The following GRSF1 variants were observed in gnomAD, a reference collection of about 807,000 sequenced individuals.
GRSF1 encodes G-rich RNA sequence binding factor 1.
A neutral mutation model predicts 51.1 loss-of-function variants in GRSF1; 50 were observed. That is an observed-to-expected ratio of 0.98 (90% CI 0.78 to 1.24). The LOEUF is 1.24. GRSF1 is among the 50% of genes most tolerant of loss of function. GRSF1 has a pLI of 0.00. For missense variants in GRSF1, 700 were observed against 639.7 expected (o/e 1.09, Z -1.02); for synonymous variants, 293 against 253.3 (o/e 1.16, Z -1.49).
chr4:70,838,338 A>G (rs2148848397), intron 1 of GRSF1, among the ~76,000 whole-genome samples: 1 of 151,988 alleles, frequency 6.6e-6, no homozygotes, highest in East Asian at 1.9e-4. Context: ...AAAAAAAAAG[A>G]GAGAAGCTAG....
chr4:70,840,740 GC>G (rs1734432913), upstream of GRSF1, among the ~76,000 whole-genome samples: 1 of 152,158 alleles, frequency 6.6e-6, no homozygotes, highest in African/African-American at 2.4e-5. Flanking sequence ...TGCAGCCTGG[GC>G]GACAGAGTGA....
chr4:70,824,063 C>T (rs777174816), intron 9 of GRSF1, among the ~76,000 whole-genome samples: 25 of 150,088 alleles, frequency 1.7e-4, no homozygotes, highest in Admixed American at 7.3e-4. Flanking sequence ...CGCTGCCTCC[C>T]GGGTTCAAGT....
At chr4:70,839,207 A>G in intron 1 of GRSF1, 1 of 1,420,538 alleles carries the variant, frequency 7.0e-7, no homozygotes, top group South Asian at 1.2e-5. Context: ...AGGCCTCAAC[A>G]TTCACCCCAG....
chr4:70,832,839 T>C (rs564944715), intron 3 of GRSF1, among the ~76,000 whole-genome samples: 1 of 152,156 alleles, frequency 6.6e-6, no homozygotes, highest in South Asian at 2.1e-4. Context: ...TCCCAGCTAC[T>C]TGGGAGGCTG....
At chr4:70,825,260 T>C (rs763994545) in intron 8 of GRSF1, 36 bp downstream of exon 8, 3 of 1,537,950 alleles carry the variant, frequency 2.0e-6, no homozygotes, top group Non-Finnish European at 2.7e-6. Flanking sequence ...AAGACAAGCA[T>C]CAAAAATGAC....
At position 70,839,820 on chromosome 4, in the gene GRSF1, C is replaced by A. The variant is rs1734392461; in HGVS notation, c.8G>T (p.Gly3Val). Residue 3 changes from glycine (G) to valine (V), a missense_variant, in exon 1 of 10, where the codon GGC becomes GTC. Gly to Val is a moderately radical substitution (Grantham distance 109). Coordinates refer to ENST00000254799, the MANE Select transcript of GRSF1 (RefSeq NM_002092.4). Reference sequence around the variant, plus strand: ...CAGCGCCCCGAGTACCCAGCGCGTGCCGGCCATGGACTCCGGAGGCGGCGC... The same window carrying A: ...CAGCGCCCCGAGTACCCAGCGCGTGACGGCCATGGACTCCGGAGGCGGCGC... Reference protein sequence around the residue: MAGTRWVLGALLR... With the variant: MAVTRWVLGALLR... 6.7e-7 allele frequency: 1 copy of A among 1,497,344 alleles called. No individual in the cohort carries two copies. Among genetic ancestry groups the A allele is most frequent in the East Asian group, 2.8e-5 (1 of 35,490 alleles). The allele number at this position is 1,497,344 out of a possible 1,614,324, so 92.8% of individuals were successfully genotyped here.
At position 70,825,431 on chromosome 4, in the gene GRSF1, A is replaced by G; in HGVS notation, c.1258T>C (p.Phe420Leu). The G allele has an allele frequency of 1.9e-6, 3 of 1,606,186 alleles. No homozygotes were observed. The highest frequency in any genetic ancestry group is 2.6e-6 in the Non-Finnish European group (3 of 1,175,034). The change falls in exon 8 of 10, where the codon TTT becomes CTT. Residue 420 changes from phenylalanine to leucine, a missense_variant and splice_region_variant. Phe to Leu is a conservative substitution (Grantham distance 22). Coordinates refer to ENST00000254799, the MANE Select transcript of GRSF1 (RefSeq NM_002092.4). The part of the protein sequence containing the change: ...FQANAQDIIN[F>L]FAPLKPVRIT... ...CTAACAGGCTTGAGTGGAGCAAAAA[A>G]CTAAACGACAAACAAAGGCAGTCAA...
chr4:70,831,911 T>A (rs1578303657), intron 4 of GRSF1, among the ~76,000 whole-genome samples: 1 of 202 alleles, frequency 5.0e-3, no homozygotes, highest in African/African-American at 8.9e-3. Flanking sequence ...TCCCCACCAG[T>A]TTTTTTTTTT....
rs774311400 is a variant in GRSF1 at position 70,817,032 on chromosome 4, C to T, written c.*3855G>A. On this transcript the variant is annotated 3_prime_UTR_variant, in exon 10 of 10. Transcript: ENST00000254799. ...AAAGAAATGACAACACCCACTAACA[C>T]TTGCTTATAAATAAAGTAAAAGTCA... 7 of 152,144 alleles carry T rather than the reference C, an allele frequency of 4.6e-5. No homozygotes were observed. Among genetic ancestry groups the T allele is most frequent in the Non-Finnish European group, 1.0e-4 (7 of 68,030 alleles). The allele number at this position is 152,144 out of a possible 1,614,324, so 9.4% of individuals were successfully genotyped here. A position where few individuals can be genotyped will look rare whatever the true frequency, so the allele number is the denominator to read the frequency against.
At chr4:70,826,591 A>G (rs541217984) in intron 6 of GRSF1, among the ~76,000 whole-genome samples, 98 of 152,020 alleles carry the variant, frequency 6.4e-4, no homozygotes, top group Non-Finnish European at 9.7e-4. Context: ...TGTAATCCCA[A>G]CACTTTGGAA....
In GRSF1 at chr4:70,831,622, T is replaced by G; in HGVS notation, c.867A>C (p.Lys289Asn). The change falls in exon 5 of 10, where the codon AAA becomes AAC. Residue 289 changes from lysine (K) to asparagine (N), a missense_variant. Coordinates refer to ENST00000254799, the MANE Select transcript of GRSF1 (RefSeq NM_002092.4). ...TFVMDYRGRR[K>N]TGEAYVQFEE... ...CAAATTGCACATAGGCTTCCCCTGT[T>G]TTTCGCCTCCCTCTATAGTCCATCA... 1 of 1,613,666 alleles carries G rather than the reference T, an allele frequency of 6.2e-7. No individual in the cohort carries two copies. Among genetic ancestry groups the G allele is most frequent in the Non-Finnish European group, 8.5e-7 (1 of 1,179,622 alleles).
At chr4:70,839,375 C>A in intron 1 of GRSF1, 96 bp downstream of exon 1, 1 of 1,507,082 alleles carries the variant, frequency 6.6e-7, no homozygotes, top group Non-Finnish European at 8.9e-7. Flanking sequence ...CCCGGGCGTG[C>A]CCGCGAGGCG....
intron 2 of GRSF1, among the ~76,000 whole-genome samples, chr4:70,835,266 A>G (rs1734152942): frequency 6.6e-6 from 1 of 150,814 alleles, no homozygotes; most frequent in South Asian, 2.1e-4. Context: ...ACACGGTGAA[A>G]CCCCAGCTCT....
At position 70,831,565 on chromosome 4, in the gene GRSF1, C is replaced by T; in HGVS notation, c.924G>A (p.Leu308=). The T allele has an allele frequency of 6.2e-7, 1 of 1,613,512 alleles. No individual in the cohort carries two copies. Among genetic ancestry groups the T allele is most frequent in the Non-Finnish European group, 8.5e-7 (1 of 1,179,596 alleles). ...GATTACCAATTTCTTCCCTGTGTTT[C>T]AACAGGGCTTGGTTGGCCATTTCTG... is the stretch of plus-strand genomic sequence containing the variant. ...EEPEMANQAL[L]KHREEIGNRY... is the part of the protein sequence containing the mutation. Residue 308 remains leucine (L), a synonymous_variant, in exon 5 of 10, where the codon TTG becomes TTA. Transcript: ENST00000254799.
rs1228861277 is a variant in GRSF1, at chr4:70,839,836, G to C, written c.-9C>G. On this transcript the variant is annotated 5_prime_UTR_variant, in exon 1 of 10. Transcript: ENST00000254799. ...CAGCGCGTGCCGGCCATGGACTCCGGAGGCGGCGCAGGGCCTGAAGGCAGC... is the reference window on the plus strand; with the variant it reads ...CAGCGCGTGCCGGCCATGGACTCCGCAGGCGGCGCAGGGCCTGAAGGCAGC... The C allele has an allele frequency of 1.3e-6, 2 of 1,488,600 alleles. No homozygotes were observed. The highest frequency in any genetic ancestry group is 1.8e-6 in the Non-Finnish European group (2 of 1,127,382). 92.2% of individuals were successfully genotyped at this position (1,488,600 alleles called of 1,614,324 possible). A position where few individuals can be genotyped will look rare whatever the true frequency, so the allele number is the denominator to read the frequency against.
chr4:70,821,272 A>G (rs931949182), intron 9 of GRSF1, among the ~76,000 whole-genome samples: 2 of 152,152 alleles, frequency 1.3e-5, no homozygotes, highest in Non-Finnish European at 2.9e-5. Flanking sequence ...ACAAAAATAA[A>G]AAATTAGCCG....
At chr4:70,839,132 C>T in intron 1 of GRSF1, 2 of 1,309,398 alleles carry the variant, frequency 1.5e-6, no homozygotes, top group Non-Finnish European at 2.0e-6. Context: ...CGGCGGAAAG[C>T]AAGAAGATGC....
At chr4:70,840,013 TTGGGCGGGGCTGCCCA>T (rs1560605848), upstream of GRSF1, 161 of 533,580 alleles carry the variant, frequency 3.0e-4, no homozygotes, top group African/African-American at 2.3e-3. Flanking sequence ...GTCTCCGCCC[TTGGGCGGGGCTGCCCA>T]TGGTTTGGGC....
intron 1 of GRSF1, 114 bp downstream of exon 1, chr4:70,839,357 C>A (rs1276921510): frequency 6.6e-7 from 1 of 1,505,104 alleles, no homozygotes; most frequent in Admixed American, 2.0e-5. Flanking sequence ...CGGCGAGTGT[C>A]GCGGATCCCC....
Sources: gnomAD v4.1 joint callset for allele counts (sites outside exome capture counted in the v4.1 genomes callset) on GRCh38, gnomAD v4.1.1 for gene constraint, MANE v1.5 for transcripts, NCBI Gene and HGNC (gene_info 2026-07-23, HGNC 2026-07-21) for gene names.